The following BRINP3 variants were observed in gnomAD, a reference collection of about 807,000 sequenced individuals.
The protein encoded by BRINP3 is BMP/retinoic acid inducible neural specific 3.
Under a neutral mutation model 71.0 loss-of-function variants are expected in BRINP3, and 19 were observed. The observed-to-expected ratio is 0.27, with a 90% confidence interval of 0.19 to 0.39. BRINP3 has a LOEUF of 0.39. Ranked by LOEUF, BRINP3 falls within the 10% of genes least tolerant of loss-of-function variation. The probability of loss-of-function intolerance (pLI) is 1.00; values close to 1 mark genes in which losing one functional copy is unlikely to be tolerated. For missense variants in BRINP3, 959 were observed against 940.8 expected, an observed-to-expected ratio of 1.02 and a Z score of -0.25; for synonymous variants, 380 against 337.7, an observed-to-expected ratio of 1.13 and a Z score of -1.37.
intron 7 of BRINP3, among the ~76,000 whole-genome samples, chr1:190,110,165 G>A (rs934555734): frequency 6.6e-6 from 1 of 152,072 alleles, no homozygotes; most frequent in African/African-American, 2.4e-5. Context: ...CAATACGTGT[G>A]GTGAATGCTT....
chr1:190,466,797 T>C (rs1382916803), intron 1 of BRINP3, among the ~76,000 whole-genome samples: 1 of 151,470 alleles, frequency 6.6e-6, no homozygotes, highest in Non-Finnish European at 1.5e-5. Context: ...ATGTAGAAGG[T>C]CCTAAATAAA....
At chr1:190,215,820 A>G (rs1016406485) in intron 6 of BRINP3, among the ~76,000 whole-genome samples, 1 of 151,922 alleles carries the variant, frequency 6.6e-6, no homozygotes, top group East Asian at 1.9e-4. Context: ...ACATATGTTG[A>G]CAGCATACAA....
intron 1 of BRINP3, among the ~76,000 whole-genome samples, chr1:190,466,965 A>G (rs1020056232): frequency 4.0e-5 from 6 of 151,656 alleles, no homozygotes; most frequent in African/African-American, 1.4e-4. Context: ...AAAAAACACA[A>G]CGAACACAAC....
At chr1:190,473,698 A>C (rs967192510) in intron 1 of BRINP3, among the ~76,000 whole-genome samples, 2 of 151,934 alleles carry the variant, frequency 1.3e-5, no homozygotes, top group Non-Finnish European at 2.9e-5. Flanking sequence ...AGTGGAAGAA[A>C]TCTATTGGCT....
intron 6 of BRINP3, among the ~76,000 whole-genome samples, chr1:190,182,344 G>GC (rs1220938179): frequency 4.6e-5 from 7 of 151,982 alleles, no homozygotes; most frequent in African/African-American, 1.7e-4. Flanking sequence ...TTAGAGTACT[G>GC]CAGGTTCCCC....
chr1:190,382,328 C>T (rs1670599620), intron 2 of BRINP3, among the ~76,000 whole-genome samples: 1 of 152,132 alleles, frequency 6.6e-6, no homozygotes, highest in African/African-American at 2.4e-5. Context: ...CATTCCTCTC[C>T]TAATACACCA....
chr1:190,178,412 C>T (rs1236980093), intron 6 of BRINP3, among the ~76,000 whole-genome samples: 1 of 152,052 alleles, frequency 6.6e-6, no homozygotes, highest in African/African-American at 2.4e-5. Flanking sequence ...TTTAAATATA[C>T]TTAACCAGTG....
At chr1:190,447,685 C>T (rs1037670704) in intron 2 of BRINP3, among the ~76,000 whole-genome samples, 3 of 150,290 alleles carry the variant, frequency 2.0e-5, no homozygotes, top group Non-Finnish European at 4.5e-5. Flanking sequence ...TATAGTCTGT[C>T]TTTCACATAC....
chr1:190,325,150 T>A (rs1666497327), intron 2 of BRINP3, among the ~76,000 whole-genome samples: 1 of 151,936 alleles, frequency 6.6e-6, no homozygotes, highest in African/African-American at 2.4e-5. Flanking sequence ...CTTGCTCATA[T>A]AAAATGCTGA....
chr1:190,264,022 C>G (rs530872347), intron 4 of BRINP3, among the ~76,000 whole-genome samples: 1 of 152,196 alleles, frequency 6.6e-6, no homozygotes, highest in South Asian at 2.1e-4. Flanking sequence ...AAAATGCTCT[C>G]TCTATATTAT....
At position 190,154,665 on chromosome 1, in the gene BRINP3, A is replaced by G. The variant is rs750535531; in HGVS notation, c.1184+6003T>C. Among the ~76,000 whole-genome samples, 3 of 152,142 alleles carry G rather than the reference A, an allele frequency of 2.0e-5. No individual in the cohort carries two copies. The East Asian group carries it at 5.8e-4, about 29-fold the overall frequency. On this transcript the variant is annotated intron_variant, in intron 7 of 7. Coordinates refer to ENST00000367462, the MANE Select transcript of BRINP3 (RefSeq NM_199051.3). ...AAGAATGTTCATTTTGAAGCATTTA[A>G]AAGAAAGTTTACTGCATCTTAATCT... is the stretch of plus-strand genomic sequence containing the variant.
intron 6 of BRINP3, among the ~76,000 whole-genome samples, chr1:190,204,099 C>T (rs1423579353): frequency 6.6e-6 from 1 of 151,426 alleles, no homozygotes; most frequent in Admixed American, 6.6e-5. Flanking sequence ...AAATAAAAGG[C>T]AAAGTAATGA....
At chr1:190,386,020 G>A (rs1458299301) in intron 2 of BRINP3, among the ~76,000 whole-genome samples, 7 of 142,886 alleles carry the variant, frequency 4.9e-5, no homozygotes, top group Admixed American at 2.2e-4. Context: ...TTATAGGTGG[G>A]AATTGAACAA....
At chr1:190,158,883 G>C (rs1359314479) in intron 7 of BRINP3, among the ~76,000 whole-genome samples, 1 of 151,762 alleles carries the variant, frequency 6.6e-6, no homozygotes, top group Non-Finnish European at 1.5e-5. Flanking sequence ...GAGAGAGAGA[G>C]AGAGAAAGAA....
At chr1:190,200,460 T>C (rs1451863171) in intron 6 of BRINP3, among the ~76,000 whole-genome samples, 2 of 152,138 alleles carry the variant, frequency 1.3e-5, no homozygotes, top group Non-Finnish European at 2.9e-5. Flanking sequence ...GGATGACTGG[T>C]GTCAAAGAAC....
At chr1:190,456,481 A>G (rs1392631466) in intron 1 of BRINP3, among the ~76,000 whole-genome samples, 2 of 152,142 alleles carry the variant, frequency 1.3e-5, no homozygotes, top group African/African-American at 4.8e-5. Context: ...AGGAGCTTGG[A>G]GATTCTAGGC....
At chr1:190,135,999 T>C (rs1452863699) in intron 7 of BRINP3, among the ~76,000 whole-genome samples, 2 of 152,038 alleles carry the variant, frequency 1.3e-5, no homozygotes, top group Non-Finnish European at 2.9e-5. Context: ...AAATTAAGTC[T>C]AGAAATAATA....
At chr1:190,364,599 C>A (rs145203855) in intron 2 of BRINP3, among the ~76,000 whole-genome samples, 97 of 151,878 alleles carry the variant, frequency 6.4e-4, no homozygotes, top group African/African-American at 2.2e-3. Context: ...TAAATTATAA[C>A]AAGCTATATT....
rs568279257 is a variant in BRINP3 at position 190,363,487 on chromosome 1, C to T, written c.237-81737G>A. Among the ~76,000 whole-genome samples, 31 of 152,016 alleles carry T rather than the reference C, an allele frequency of 2.0e-4. 1 individual carries two copies. The South Asian group carries it at 6.2e-3, about 31-fold the overall frequency. ...ATAACCAAGAGAGGCAAGATATGAA[C>T]GAGAAAGATTGAATTTTCATGAATC... is the stretch of plus-strand genomic sequence containing the variant. On this transcript the variant is annotated intron_variant, in intron 2 of 7. Transcript: ENST00000367462.
Sources: gnomAD v4.1 joint callset for allele counts (sites outside exome capture counted in the v4.1 genomes callset) on GRCh38, gnomAD v4.1.1 for gene constraint, MANE v1.5 for transcripts, NCBI Gene and HGNC (gene_info 2026-07-23, HGNC 2026-07-21) for gene names.